The following ZMIZ1 variants were observed in gnomAD, a reference collection of about 807,000 sequenced individuals.
ZMIZ1 encodes zinc finger MIZ-type containing 1, also known as zinc finger MIZ domain-containing protein 1.
ZMIZ1 carries 17 observed loss-of-function variants against 113.9 expected under a neutral mutation model. The observed-to-expected ratio is 0.15, with a 90% CI of 0.10 to 0.22. The LOEUF (loss-of-function observed/expected upper bound fraction) is 0.22. Among genes scored for constraint, ZMIZ1 ranks in the 10% least tolerant of loss-of-function variants. The pLI is 1.00. For missense variants in ZMIZ1, 1,059 were observed against 1,477.8 expected (o/e 0.72, Z 4.65); for synonymous variants, 607 against 603.1 (o/e 1.01, Z -0.09).
At chr10:79,116,549 G>C (rs1016327921) in intron 1 of ZMIZ1, among the ~76,000 whole-genome samples, 4 of 152,164 alleles carry the variant, frequency 2.6e-5, no homozygotes, top group Non-Finnish European at 5.9e-5. Flanking sequence ...GATGCAGCCT[G>C]TGGGGGTGCA....
intron 1 of ZMIZ1, among the ~76,000 whole-genome samples, chr10:79,077,026 C>T (rs1014804355): frequency 6.6e-6 from 1 of 152,196 alleles, no homozygotes; most frequent in African/African-American, 2.4e-5. Flanking sequence ...CCTGCCTTCA[C>T]TTCCTCTGTG....
chr10:79,141,223 T>G (rs575761745), intron 3 of ZMIZ1, among the ~76,000 whole-genome samples: 1 of 152,186 alleles, frequency 6.6e-6, no homozygotes, highest in South Asian at 2.1e-4. Flanking sequence ...CCCCAGGTGT[T>G]GACCGAGAAA....
At chr10:79,278,115 G>A (rs1852421957) in intron 8 of ZMIZ1, among the ~76,000 whole-genome samples, 1 of 152,246 alleles carries the variant, frequency 6.6e-6, no homozygotes, top group South Asian at 2.1e-4. Flanking sequence ...GTGCTGCTGG[G>A]AACTCGGGTG....
chr10:79,170,547 C>A (rs945375532), intron 4 of ZMIZ1, among the ~76,000 whole-genome samples: 2 of 152,210 alleles, frequency 1.3e-5, no homozygotes, highest in African/African-American at 4.8e-5. Flanking sequence ...TAGCGGAGTC[C>A]ACTCAGATCT....
At chr10:79,176,141 G>T (rs569390882) in intron 4 of ZMIZ1, among the ~76,000 whole-genome samples, 10 of 151,960 alleles carry the variant, frequency 6.6e-5, no homozygotes, top group Non-Finnish European at 1.2e-4. Context: ...CACGTGTTCC[G>T]GAGGCCCAAC....
At position 79,112,034 on chromosome 10, in the gene ZMIZ1, C is replaced by T. The variant is rs142154517; in HGVS notation, c.-336-6881C>T. 7.2e-5 allele frequency among the ~76,000 whole-genome samples: 11 copies of T among 152,316 alleles called. No individual in the cohort carries two copies. The East Asian group carries it at 1.5e-3, about 21-fold the overall frequency. On this transcript the variant is annotated intron_variant, in intron 1 of 24. Transcript: ENST00000334512. ...CCCTGGGGCATGAACATCCAGGGAA[C>T]GCTGAGTGATTGTGGTGTGGCTGGA...
At chr10:79,291,791 G>A (rs958623734) in intron 10 of ZMIZ1, among the ~76,000 whole-genome samples, 1 of 152,256 alleles carries the variant, frequency 6.6e-6, no homozygotes, top group African/African-American at 2.4e-5. Flanking sequence ...GGTTGGCACA[G>A]CTATATGACC....
intron 7 of ZMIZ1, among the ~76,000 whole-genome samples, chr10:79,239,502 G>C (rs1317474136): frequency 6.6e-6 from 1 of 152,212 alleles, no homozygotes; most frequent in South Asian, 2.1e-4. Context: ...ACATCTCCGA[G>C]TCATAGGATC....
At chr10:79,256,824 A>G (rs1038180533) in intron 7 of ZMIZ1, among the ~76,000 whole-genome samples, 35 of 152,220 alleles carry the variant, frequency 2.3e-4, no homozygotes, top group Non-Finnish European at 1.2e-4. Flanking sequence ...GTGCTTTGGC[A>G]TGCCCCATCT....
intron 1 of ZMIZ1, among the ~76,000 whole-genome samples, chr10:79,077,777 C>G (rs1467822006): frequency 1.3e-5 from 2 of 152,224 alleles, no homozygotes; most frequent in African/African-American, 2.4e-5. Flanking sequence ...GTAGTAATAA[C>G]TAACATACTA....
At chr10:79,305,665 G>A (rs1854636222) in intron 21 of ZMIZ1, 64 bp downstream of exon 21, 1 of 1,539,824 alleles carries the variant, frequency 6.5e-7, no homozygotes, top group Admixed American at 1.7e-5. Flanking sequence ...AGAGCAAGGT[G>A]AGCAGGTGGA....
At chr10:79,099,250 G>A (rs567547523) in intron 1 of ZMIZ1, among the ~76,000 whole-genome samples, 1 of 152,212 alleles carries the variant, frequency 6.6e-6, no homozygotes, top group African/African-American at 2.4e-5. Flanking sequence ...GTGAGGCCCC[G>A]GGAGTCGGTG....
At chr10:79,167,702 A>C (rs1479581361) in intron 4 of ZMIZ1, among the ~76,000 whole-genome samples, 4 of 152,200 alleles carry the variant, frequency 2.6e-5, no homozygotes, top group African/African-American at 7.2e-5. Context: ...AGCAGCTGTC[A>C]CAGGCTGGGC....
chr10:79,147,967 C>A (rs1845560958), intron 3 of ZMIZ1, among the ~76,000 whole-genome samples: 1 of 152,228 alleles, frequency 6.6e-6, no homozygotes, highest in Admixed American at 6.5e-5. Flanking sequence ...AGAGTGGGGC[C>A]TCCCCAGGCC....
chr10:79,076,030 T>G (rs1013465819), intron 1 of ZMIZ1, among the ~76,000 whole-genome samples: 2 of 152,206 alleles, frequency 1.3e-5, no homozygotes, highest in Non-Finnish European at 2.9e-5. Flanking sequence ...GGGAAAGATC[T>G]GGAAAGCCCC....
chr10:79,165,936 G>T (rs72816266), intron 4 of ZMIZ1, among the ~76,000 whole-genome samples: 1 of 82,390 alleles, frequency 1.2e-5, no homozygotes, highest in Admixed American at 1.1e-4. Context: ...TGGCCTCCAA[G>T]CCCCAGCTCA....
rs564604553 is a variant in ZMIZ1 at position 79,127,664 on chromosome 10, C to G, written c.-227+8640C>G. Reference sequence around the variant, plus strand: ...CCAGGGTCACACGGCCCAGCCAGGACTCCAACCAGGCCCCTGCTCAGCCTT... The same window carrying G: ...CCAGGGTCACACGGCCCAGCCAGGAGTCCAACCAGGCCCCTGCTCAGCCTT... On this transcript the variant is annotated intron_variant, in intron 2 of 24. Transcript: ENST00000334512. Among the ~76,000 whole-genome samples the G allele has an allele frequency of 1.3e-3, 196 of 151,574 alleles. 1 individual carries two copies. Among genetic ancestry groups the G allele is most frequent in the Non-Finnish European group, 1.7e-3 (114 of 67,904 alleles).
intron 6 of ZMIZ1, among the ~76,000 whole-genome samples, 160 bp from the exon 7 acceptor site, chr10:79,216,009 T>A (rs1436884293): frequency 2.3e-4 from 35 of 152,134 alleles, no homozygotes; most frequent in Admixed American, 2.3e-3. Context: ...TTCATCAGTA[T>A]TTGCTGAGCA....
intron 1 of ZMIZ1, among the ~76,000 whole-genome samples, chr10:79,101,139 A>G (rs1270171353): frequency 6.6e-6 from 1 of 152,108 alleles, no homozygotes; most frequent in Non-Finnish European, 1.5e-5. Flanking sequence ...TCTCCCCTTG[A>G]TGAGTAATTC....
Sources: allele counts gnomAD v4.1 joint callset (sites outside exome capture counted in the v4.1 genomes callset), GRCh38; gene constraint gnomAD v4.1.1; transcripts MANE v1.5; gene names NCBI Gene and HGNC (gene_info 2026-07-23, HGNC 2026-07-21).